The following MCOLN2 variants were observed in gnomAD, a reference collection of about 807,000 sequenced individuals.
MCOLN2 encodes the protein mucolipin TRP cation channel 2, also known as mucolipin-2.
Under a neutral mutation model 67.5 loss-of-function variants are expected in MCOLN2, and 57 were observed. The ratio of observed to expected loss-of-function variants is 0.84; its 90% CI spans 0.68 to 1.05. MCOLN2 has a LOEUF of 1.05. Ranked by LOEUF, MCOLN2 falls within the 50% of genes least tolerant of loss-of-function variation. The pLI is 0.00. For missense variants in MCOLN2, 620 were observed against 678.8 expected (o/e 0.91, Z 0.96); for synonymous variants, 246 against 233.3 (o/e 1.05, Z -0.50).
At chr1:84,984,929 G>A (rs1012162825) in intron 1 of MCOLN2, among the ~76,000 whole-genome samples, 3 of 152,072 alleles carry the variant, frequency 2.0e-5, no homozygotes, top group South Asian at 2.1e-4. Flanking sequence ...CAGGGAGGTC[G>A]AGGCTGCAGT....
At chr1:84,947,009 T>C (rs543192607) in intron 7 of MCOLN2, 24 bp downstream of exon 7, 4 of 1,055,110 alleles carry the variant, frequency 3.8e-6, no homozygotes, top group African/African-American at 1.6e-5. Flanking sequence ...ATAATTCCCA[T>C]GGGCAAGTAT....
chr1:84,981,193 T>A (rs960293323), intron 1 of MCOLN2, among the ~76,000 whole-genome samples: 2 of 152,192 alleles, frequency 1.3e-5, no homozygotes, highest in African/African-American at 4.8e-5. Context: ...GGAACCCTCA[T>A]ACACTGTTGG....
intron 1 of MCOLN2, among the ~76,000 whole-genome samples, chr1:84,970,485 C>T (rs1391436264): frequency 6.7e-6 from 1 of 148,216 alleles, no homozygotes; most frequent in Non-Finnish European, 1.5e-5. Flanking sequence ...GCCTGGACAA[C>T]ACGGTGAAAC....
intron 1 of MCOLN2, among the ~76,000 whole-genome samples, chr1:84,987,318 GTATA>G (rs1650569519): frequency 7.5e-6 from 1 of 134,096 alleles, no homozygotes; most frequent in Non-Finnish European, 1.6e-5. Context: ...ACATCTATAT[GTATA>G]TAGATATATA....
chr1:84,938,167 T>TA, intron 9 of MCOLN2, 85 bp from the exon 10 acceptor site: 1 of 905,102 alleles, frequency 1.1e-6, no homozygotes, highest in Non-Finnish European at 1.6e-6. Flanking sequence ...AACCAATTAA[T>TA]AAAAAAAGAA....
At chr1:84,936,928 T>C (rs1248466202) in intron 11 of MCOLN2, among the ~76,000 whole-genome samples, 1 of 152,208 alleles carries the variant, frequency 6.6e-6, no homozygotes, top group African/African-American at 2.4e-5. Context: ...CCTGGGTTGT[T>C]GTGGGGAGTA....
intron 1 of MCOLN2, among the ~76,000 whole-genome samples, chr1:84,987,504 A>ATC (rs1385687777): frequency 4.2e-5 from 1 of 23,744 alleles, no homozygotes; most frequent in Non-Finnish European, 7.0e-5. Flanking sequence ...GTATACATAG[A>ATC]TGTATACATA....
intron 2 of MCOLN2, among the ~76,000 whole-genome samples, chr1:84,962,914 A>G (rs752698484): frequency 6.6e-6 from 1 of 152,216 alleles, no homozygotes; most frequent in Non-Finnish European, 1.5e-5. Context: ...TCTACGAAAA[A>G]TTAAGCTGAT....
At chr1:84,965,754 C>T in intron 1 of MCOLN2, 46 bp from the exon 2 acceptor site, 1 of 1,583,558 alleles carries the variant, frequency 6.3e-7, no homozygotes, top group Non-Finnish European at 8.6e-7. Flanking sequence ...GCCTCTCCCT[C>T]AGTTCCTTTT....
Position 84,952,277 on chromosome 1 carries a change from C to A in MCOLN2, c.713G>T (p.Arg238Leu), listed in dbSNP as rs774176390. Residue 238 changes from arginine to leucine, a missense_variant, in exon 6 of 14, where the codon CGT becomes CTT. Coordinates refer to ENST00000370608, the MANE Select transcript of MCOLN2 (RefSeq NM_153259.4). ...KGIDLQTIHS[R>L]ELPDCYVFQN... is the part of the protein sequence containing the mutation. ...AAAGACATAACAGTCTGGTAACTCACGGGAATGAATTGTCTGTAGGTCAAT... is the reference window on the plus strand; with the variant it reads ...AAAGACATAACAGTCTGGTAACTCAAGGGAATGAATTGTCTGTAGGTCAAT... 3 of 1,613,342 alleles carry A rather than the reference C, an allele frequency of 1.9e-6. No homozygotes were observed. Among genetic ancestry groups the A allele is most frequent in the Middle Eastern group, 1.7e-4 (1 of 6,048 alleles).
At chr1:84,964,528 GGGGGGGGT>G (rs1425139272) in intron 2 of MCOLN2, among the ~76,000 whole-genome samples, 1 of 150,022 alleles carries the variant, frequency 6.7e-6, no homozygotes, top group Non-Finnish European at 1.5e-5. Context: ...GGCAGGAGTG[GGGGGGGGT>G]GGGTAATGGT....
At chr1:84,971,495 GACAT>G (rs1196453098) in intron 1 of MCOLN2, among the ~76,000 whole-genome samples, 13 of 84,698 alleles carry the variant, frequency 1.5e-4, no homozygotes, top group East Asian at 3.2e-4. Context: ...GTATTAAACA[GACAT>G]ACACACACAC....
chr1:84,994,354 CCTCT>C (rs34739781), intron 1 of MCOLN2, among the ~76,000 whole-genome samples: 63,480 of 151,642 alleles, frequency 0.42, 13,964 homozygotes, highest in East Asian at 0.62. Flanking sequence ...GCTGGCTTGT[CCTCT>C]CTACTAGGAA....
Position 84,990,524 on chromosome 1 carries a change from G to A in MCOLN2, c.77+6272C>T, listed in dbSNP as rs530940675. 9.2e-5 allele frequency among the ~76,000 whole-genome samples: 14 copies of A among 151,902 alleles called. No homozygotes were observed. In the East Asian group the frequency reaches 2.7e-3, roughly 29 times the overall value. On this transcript the variant is annotated intron_variant, in intron 1 of 13. Coordinates refer to ENST00000370608, the MANE Select transcript of MCOLN2 (RefSeq NM_153259.4). ...AGTTAGTTATAGAAATGTTAATTGC[G>A]GCCCTATTCGTACCTTTGCACTGAC...
At chr1:84,961,744 T>C (rs1451865836) in intron 2 of MCOLN2, among the ~76,000 whole-genome samples, 1 of 152,210 alleles carries the variant, frequency 6.6e-6, no homozygotes, top group Middle Eastern at 3.4e-3. Context: ...GCTGAGAGTA[T>C]GATACAAGAC....
At chr1:84,966,244 T>G (rs1043790524) in intron 1 of MCOLN2, among the ~76,000 whole-genome samples, 1 of 151,692 alleles carries the variant, frequency 6.6e-6, no homozygotes, top group Non-Finnish European at 1.5e-5. Flanking sequence ...AGAGCGAGAC[T>G]CCCTCTCAAA....
intron 2 of MCOLN2, 30 bp from the exon 3 acceptor site, chr1:84,958,732 G>A: frequency 6.7e-7 from 1 of 1,488,388 alleles, no homozygotes; most frequent in Non-Finnish European, 9.0e-7. Context: ...AGAAACACAT[G>A]AATTACACCA....
chr1:84,996,724 A>G (rs1651175510), intron 1 of MCOLN2, 72 bp downstream of exon 1: 2 of 1,389,058 alleles, frequency 1.4e-6, no homozygotes, highest in Admixed American at 1.7e-5. Flanking sequence ...CTAGTCTACG[A>G]AAGTAAAGCC....
At chr1:84,978,821 C>T (rs1206341953) in intron 1 of MCOLN2, among the ~76,000 whole-genome samples, 2 of 151,960 alleles carry the variant, frequency 1.3e-5, no homozygotes, top group Non-Finnish European at 1.5e-5. Flanking sequence ...CACACACACA[C>T]ATATACATAT....
Sources: allele counts gnomAD v4.1 joint callset (sites outside exome capture counted in the v4.1 genomes callset), GRCh38; gene constraint gnomAD v4.1.1; transcripts MANE v1.5; gene names NCBI Gene and HGNC (gene_info 2026-07-23, HGNC 2026-07-21).